The following TRABD2A variants were observed in gnomAD, a reference collection of about 807,000 sequenced individuals.
TRABD2A encodes TraB domain containing 2A.
A neutral mutation model predicts 45.6 loss-of-function variants in TRABD2A; 43 were observed. The ratio of observed to expected loss-of-function variants is 0.94; its 90% CI spans 0.74 to 1.22. The LOEUF is 1.22. TRABD2A is among the 50% of genes most tolerant of loss of function. The pLI, the probability that TRABD2A is intolerant of heterozygous loss-of-function variation, is 0.00. For missense variants in TRABD2A, 642 were observed against 652.4 expected, an observed-to-expected ratio of 0.98 and a Z score of 0.17; for synonymous variants, 269 against 265.0, an observed-to-expected ratio of 1.02 and a Z score of -0.15.
rs576224269 is a variant in TRABD2A at position 84,821,714 on chromosome 2, T to C, written c.*203A>G. On this transcript the variant is annotated 3_prime_UTR_variant, in exon 7 of 7. Transcript: ENST00000409520. ...TAATTTATTTTCACACAACTCACTA[T>C]GTTACAAAACTGTACACCTGCCCCC... 4 of 425,096 alleles carry C rather than the reference T, an allele frequency of 9.4e-6. No individual in the cohort carries two copies. The South Asian group carries it at 2.8e-4, about 30-fold the overall frequency. The allele number at this position is 425,096 out of a possible 1,614,324, so 26.3% of individuals were successfully genotyped here.
chr2:84,874,034 G>T (rs372470704), intron 1 of TRABD2A, among the ~76,000 whole-genome samples: 1 of 152,116 alleles, frequency 6.6e-6, no homozygotes, highest in East Asian at 1.9e-4. Context: ...GCAGGATAAT[G>T]GAGGGGTGGG....
chr2:84,864,647 C>T (rs2105403276), intron 2 of TRABD2A, among the ~76,000 whole-genome samples: 1 of 152,254 alleles, frequency 6.6e-6, no homozygotes, highest in South Asian at 2.1e-4. Flanking sequence ...GGAAACCATC[C>T]CCAGTGACCT....
Position 84,830,430 on chromosome 2 carries a change from A to T in TRABD2A, c.1082+1625T>A, listed in dbSNP as rs1192275. ...TCTGAGTGCCAAGACCTCCGCGTGAAGACAATGACCTTGAAAAAGAACAAC... is the reference window on the plus strand; with the variant it reads ...TCTGAGTGCCAAGACCTCCGCGTGATGACAATGACCTTGAAAAAGAACAAC... On this transcript the variant is annotated intron_variant, in intron 5 of 6. Transcript: ENST00000409520. The surrounding 1 kb of genome is among the most constrained non-coding windows in gnomAD (Gnocchi z 4.9). Among the ~76,000 whole-genome samples, 21,328 of 152,188 alleles carry T rather than the reference A, an allele frequency of 0.14. 1,515 individuals carry two copies. Among genetic ancestry groups the T allele is most frequent in the African/African-American group, 0.17 (6,947 of 41,508 alleles).
At chr2:84,864,592 C>T (rs1239016314) in intron 2 of TRABD2A, among the ~76,000 whole-genome samples, 1 of 152,120 alleles carries the variant, frequency 6.6e-6, no homozygotes, top group Non-Finnish European at 1.5e-5. Flanking sequence ...CCCAGGCCAG[C>T]CCACCCTCTG....
intron 2 of TRABD2A, among the ~76,000 whole-genome samples, chr2:84,865,047 C>A (rs888471807): frequency 2.0e-5 from 3 of 152,204 alleles, no homozygotes; most frequent in African/African-American, 7.2e-5. Flanking sequence ...CTGCCCTGGA[C>A]CTTTCCAGAG....
Position 84,845,317 on chromosome 2 carries a change from A to C in TRABD2A, c.670-3310T>G, listed in dbSNP as rs185239723. Among the ~76,000 whole-genome samples the C allele has an allele frequency of 2.8e-4, 43 of 152,346 alleles. No individual in the cohort carries two copies. The East Asian group carries it at 7.7e-3, about 27-fold the overall frequency. ...CAGTGAGCTGAGATTGTGCCACTGC[A>C]CTCCAGCCTGGGCAACAGAGCAAGA... On this transcript the variant is annotated intron_variant, in intron 2 of 6. Coordinates refer to ENST00000409520, the MANE Select transcript of TRABD2A (RefSeq NM_001277053.2).
intron 1 of TRABD2A, chr2:84,879,603 T>C: frequency 1.0e-6 from 1 of 985,346 alleles, no homozygotes; most frequent in Non-Finnish European, 1.2e-6. Context: ...TCGTCATAAT[T>C]ACCAGTCGGT....
At chr2:84,869,546 C>T (rs1682799727) in intron 2 of TRABD2A, among the ~76,000 whole-genome samples, 1 of 152,234 alleles carries the variant, frequency 6.6e-6, no homozygotes, top group African/African-American at 2.4e-5. Flanking sequence ...CTCAAAGAGA[C>T]TGCTGTCTCC....
At chr2:84,868,588 G>T (rs1682770375) in intron 2 of TRABD2A, among the ~76,000 whole-genome samples, 2 of 150,876 alleles carry the variant, frequency 1.3e-5, no homozygotes, top group Non-Finnish European at 2.9e-5. Flanking sequence ...ACTAATGGGT[G>T]CAGCACACCA....
At chr2:84,874,169 C>A (rs1682955084) in intron 1 of TRABD2A, among the ~76,000 whole-genome samples, 1 of 152,180 alleles carries the variant, frequency 6.6e-6, no homozygotes, top group Non-Finnish European at 1.5e-5. Context: ...CATCCATTTT[C>A]ATTTTATTAT....
In TRABD2A at chr2:84,839,099, G is replaced by C. The variant is rs1440803588; in HGVS notation, c.991+50C>G. ...GGGCTCACCTCAACATTCCCTTCTT[G>C]GGAGAAGCCTCAGATTTCAGAGGCT... On this transcript the variant is annotated intron_variant, in intron 4 of 6. Coordinates refer to ENST00000409520, the MANE Select transcript of TRABD2A (RefSeq NM_001277053.2). 1.9e-6 allele frequency: 3 copies of C among 1,600,646 alleles called. No homozygotes were observed. The African/African-American group carries it at 4.0e-5, about 22-fold the overall frequency.
rs371560834 is a variant in TRABD2A at position 84,870,450 on chromosome 2, G to C, written c.444C>G (p.Tyr148Ter). ...CAATAGCATTGAAGAGGTAGTCTGC[G>C]TAGAGCCCCTTGCCGCGCTGGTCTG... ...MTPDQRGKGL[Y>*]ADYLFNAIAG... Residue 148 changes from tyrosine to a stop codon, truncating the protein, a stop_gained, in exon 2 of 7, where the codon TAC becomes TAG. Coordinates refer to ENST00000409520, the MANE Select transcript of TRABD2A (RefSeq NM_001277053.2). LOFTEE classifies it high-confidence loss of function. 1 of 1,613,924 alleles carries C rather than the reference G, an allele frequency of 6.2e-7. No homozygotes were observed. The highest frequency in any genetic ancestry group is 1.3e-5 in the African/African-American group (1 of 74,924).
chr2:84,844,802 C>T (rs978859733), intron 2 of TRABD2A, among the ~76,000 whole-genome samples: 27 of 152,254 alleles, frequency 1.8e-4, no homozygotes, highest in Non-Finnish European at 1.5e-5. Context: ...CCATCTAACT[C>T]ATCCAAGCCA....
At chr2:84,829,830 C>T (rs1681272459) in intron 5 of TRABD2A, among the ~76,000 whole-genome samples, 1 of 150,864 alleles carries the variant, frequency 6.6e-6, no homozygotes, top group Non-Finnish European at 1.5e-5. Flanking sequence ...TACCAAACAA[C>T]ACACATACCA....
intron 2 of TRABD2A, among the ~76,000 whole-genome samples, chr2:84,848,733 G>A (rs1034830949): frequency 1.3e-5 from 2 of 151,466 alleles, no homozygotes; most frequent in African/African-American, 4.9e-5. Flanking sequence ...CCACCACCAC[G>A]CCCAGCTATT....
At chr2:84,858,130 C>T (rs999039992) in intron 2 of TRABD2A, among the ~76,000 whole-genome samples, 2 of 152,142 alleles carry the variant, frequency 1.3e-5, no homozygotes, top group Admixed American at 6.6e-5. Flanking sequence ...CCTCCTGCCT[C>T]AGCCTCCCAA....
chr2:84,861,935 CTG>C (rs1682513329), intron 2 of TRABD2A, among the ~76,000 whole-genome samples: 1 of 152,194 alleles, frequency 6.6e-6, no homozygotes. Flanking sequence ...CTCTAAATGA[CTG>C]TGAATGCAAA....
chr2:84,846,286 G>T (rs116193869), intron 2 of TRABD2A, among the ~76,000 whole-genome samples: 1 of 152,122 alleles, frequency 6.6e-6, no homozygotes, highest in Non-Finnish European at 1.5e-5. Flanking sequence ...ATCACCACAC[G>T]CCTTTCCTTT....
chr2:84,869,526 C>T (rs894077773), intron 2 of TRABD2A, among the ~76,000 whole-genome samples: 1 of 152,174 alleles, frequency 6.6e-6, no homozygotes, highest in East Asian at 1.9e-4. Context: ...TAAAGAGGGA[C>T]AGTAGTGACC....
Sources: allele counts gnomAD v4.1 joint callset (sites outside exome capture counted in the v4.1 genomes callset), GRCh38; gene constraint gnomAD v4.1.1; non-coding constraint Gnocchi (gnomAD v3.1); transcripts MANE v1.5; gene names NCBI Gene and HGNC (gene_info 2026-07-23, HGNC 2026-07-21).